Variants in GNG4 observed in about 807,000 individuals in gnomAD.
GNG4 encodes G protein subunit gamma 4, also known as guanine nucleotide-binding protein G(I)/G(S)/G(O) subunit gamma-4.
A neutral mutation model predicts 5.8 loss-of-function variants in GNG4; 4 were observed. That is an observed-to-expected ratio of 0.69 (90% CI 0.34 to 1.57). The LOEUF is 1.57. Ranked by LOEUF, GNG4 falls within the 40% of genes most tolerant of loss-of-function variation. GNG4 has a pLI of 0.06. For synonymous variants in GNG4, 29 were observed against 32.9 expected (o/e 0.88, Z 0.41); for missense variants, 96 against 95.1 (o/e 1.01, Z -0.04).
intron 3 of GNG4, among the ~76,000 whole-genome samples, chr1:235,558,052 C>G (rs889806110): frequency 3.9e-5 from 6 of 152,124 alleles, no homozygotes; most frequent in Non-Finnish European, 7.3e-5. Flanking sequence ...ATCACAGTTG[C>G]GTTTGCTGAG....
intron 3 of GNG4, among the ~76,000 whole-genome samples, chr1:235,563,805 G>C (rs1377179602): frequency 6.6e-6 from 1 of 152,208 alleles, no homozygotes; most frequent in Admixed American, 6.5e-5. Flanking sequence ...GTCCTGACTA[G>C]AAGGTTGAGT....
chr1:235,573,544 G>A lies in GNG4; in HGVS notation c.99+10196C>T, dbSNP rs1405629914. Reference sequence around the variant, plus strand: ...TGTAATCCCAACACTTTGGGAGGCCGAGGTGGGCGGATCACGAAGTCAGGA... The same window carrying A: ...TGTAATCCCAACACTTTGGGAGGCCAAGGTGGGCGGATCACGAAGTCAGGA... On this transcript the variant is annotated intron_variant, in intron 3 of 3. Transcript: ENST00000391854. Among the ~76,000 whole-genome samples, 7 of 152,166 alleles carry A rather than the reference G, an allele frequency of 4.6e-5. No homozygotes were observed. The South Asian group carries it at 6.2e-4, about 14-fold the overall frequency.
At position 235,549,645 on chromosome 1, in the gene GNG4, C is replaced by A. The variant is rs1050756597; in HGVS notation, c.*2464G>T. ...GCATACAATTCTGCTCTAGTTTGAG[C>A]ATCTTAACAACACTGGTATTATTAG... On this transcript the variant is annotated 3_prime_UTR_variant, in exon 4 of 4. Coordinates refer to ENST00000391854, the MANE Select transcript of GNG4 (RefSeq NM_001098722.2). The A allele has an allele frequency of 6.6e-6, 1 of 152,198 alleles. No homozygotes were observed. The highest frequency in any genetic ancestry group is 1.5e-5 in the Non-Finnish European group (1 of 68,046). 9.4% of individuals were successfully genotyped at this position (152,198 alleles called of 1,614,324 possible).
intron 3 of GNG4, among the ~76,000 whole-genome samples, chr1:235,577,811 C>T (rs1329381112): frequency 6.6e-6 from 1 of 151,870 alleles, no homozygotes; most frequent in Admixed American, 6.6e-5. Flanking sequence ...CTAAAAACTG[C>T]TCCTCTCCTC....
chr1:235,601,239 G>T (rs1489194922), intron 1 of GNG4, among the ~76,000 whole-genome samples: 1 of 152,226 alleles, frequency 6.6e-6, no homozygotes, highest in African/African-American at 2.4e-5. Flanking sequence ...AGCAATGGAT[G>T]AAAGATGTGG....
Position 235,552,000 on chromosome 1 carries a change from G to T in GNG4, c.*109C>A. 2.4e-6 allele frequency: 2 copies of T among 849,230 alleles called. No individual in the cohort carries two copies. The highest frequency in any genetic ancestry group is 3.7e-6 in the Non-Finnish European group (2 of 534,028). 52.6% of individuals were successfully genotyped at this position (849,230 alleles called of 1,614,324 possible). On this transcript the variant is annotated 3_prime_UTR_variant, in exon 4 of 4. Coordinates refer to ENST00000391854, the MANE Select transcript of GNG4 (RefSeq NM_001098722.2). ...CATAAGACAAGCCCCGGCCACTGTT[G>T]GCTGGGCAGGGATGGGTGTTGGTCT...
At position 235,593,950 on chromosome 1, in the gene GNG4, G is replaced by A. The variant is rs116299270; in HGVS notation, c.-11+1450C>T. ...ACCCAAGCAGATTACCCCAGCTGGC[G>A]CGGGCAGCCTGCTTTTATTCTCTAA... is the stretch of plus-strand genomic sequence containing the variant. On this transcript the variant is annotated intron_variant, in intron 2 of 3. Coordinates refer to ENST00000391854, the MANE Select transcript of GNG4 (RefSeq NM_001098722.2). Among the ~76,000 whole-genome samples the A allele has an allele frequency of 2.6e-3, 399 of 152,200 alleles. 1 individual carries two copies. Among genetic ancestry groups the A allele is most frequent in the African/African-American group, 9.2e-3 (384 of 41,516 alleles).
intron 3 of GNG4, among the ~76,000 whole-genome samples, chr1:235,561,098 C>T (rs1170488309): frequency 6.6e-6 from 1 of 152,232 alleles, no homozygotes; most frequent in African/African-American, 2.4e-5. Flanking sequence ...CAAGCTCCAC[C>T]TCACGGGTTC....
intron 1 of GNG4, among the ~76,000 whole-genome samples, chr1:235,637,978 C>T (rs1366593166): frequency 6.6e-6 from 1 of 152,246 alleles, no homozygotes; most frequent in Non-Finnish European, 1.5e-5. Context: ...GGCCAATGGC[C>T]TGCAAAGCCA....
In GNG4 at chr1:235,551,140, A is replaced by G. The variant is rs45467094; in HGVS notation, c.*969T>C. On this transcript the variant is annotated 3_prime_UTR_variant, in exon 4 of 4. Transcript: ENST00000391854. ...ACGGTATGGGGTACTTTTACAGTCAAGTTGACTTCGGTGTCCGCCCACCAT... is the reference window on the plus strand; with the variant it reads ...ACGGTATGGGGTACTTTTACAGTCAGGTTGACTTCGGTGTCCGCCCACCAT... 3,973 of 152,360 alleles carry G rather than the reference A, an allele frequency of 0.026. 76 individuals carry two copies. The highest frequency in any genetic ancestry group is 0.043 in the Admixed American group (659 of 15,302). 9.4% of individuals were successfully genotyped at this position (152,360 alleles called of 1,614,324 possible).
chr1:235,563,403 CAAAAAAAAAA>C (rs57471662), intron 3 of GNG4, among the ~76,000 whole-genome samples: 17 of 52,412 alleles, frequency 3.2e-4, no homozygotes, highest in African/African-American at 9.1e-4. Context: ...GAAACTGTCT[CAAAAAAAAAA>C]AAAAAAAAAA....
chr1:235,619,728 T>G (rs1480742842), intron 1 of GNG4, among the ~76,000 whole-genome samples: 2 of 152,248 alleles, frequency 1.3e-5, no homozygotes, highest in Non-Finnish European at 2.9e-5. Context: ...TTTTCTGTTT[T>G]ATTTTTCTAA....
chr1:235,624,103 C>A (rs561879085), intron 1 of GNG4, among the ~76,000 whole-genome samples: 1 of 140,066 alleles, frequency 7.1e-6, no homozygotes, highest in East Asian at 2.6e-4. Context: ...GTGGCCAATT[C>A]CTTTTTTTTT....
chr1:235,639,583 G>T (rs1172927006), intron 1 of GNG4, among the ~76,000 whole-genome samples: 1 of 151,752 alleles, frequency 6.6e-6, no homozygotes, highest in South Asian at 2.1e-4. Context: ...TTACTCTGTC[G>T]CCCAGGCTGG....
intron 1 of GNG4, among the ~76,000 whole-genome samples, chr1:235,643,372 G>A (rs945673979): frequency 3.9e-5 from 6 of 152,244 alleles, no homozygotes; most frequent in South Asian, 2.1e-4. Context: ...GTTGTCACAC[G>A]CTTTCTGCAC....
At chr1:235,615,528 G>T (rs1250867367) in intron 1 of GNG4, 2 of 165,302 alleles carry the variant, frequency 1.2e-5, no homozygotes, top group East Asian at 1.7e-4. Context: ...TAGCTCTGGC[G>T]ATTGGAATCC....
In GNG4 at chr1:235,644,269, C is replaced by T. The variant is rs114044767; in HGVS notation, c.-123+5393G>A. ...GACCCACGAAGGCCTTGCCCTGGAC[C>T]TACACCTCACCCTGTTCCAGAGAGA... On this transcript the variant is annotated intron_variant, in intron 1 of 3. Coordinates refer to ENST00000391854, the MANE Select transcript of GNG4 (RefSeq NM_001098722.2). This position sits in a 1 kb window ranked among gnomAD's most constrained non-coding sequence, Gnocchi z 5.9. Among the ~76,000 whole-genome samples the T allele has an allele frequency of 1.9e-3, 287 of 152,350 alleles. 3 individuals are homozygous for T. The highest frequency in any genetic ancestry group is 6.7e-3 in the African/African-American group (277 of 41,578).
At chr1:235,577,350 G>A (rs1006315388) in intron 3 of GNG4, among the ~76,000 whole-genome samples, 18 of 152,172 alleles carry the variant, frequency 1.2e-4, no homozygotes, top group Non-Finnish European at 2.2e-4. Context: ...CTGCCCTATC[G>A]TCGTGTGCAC....
intron 3 of GNG4, among the ~76,000 whole-genome samples, chr1:235,580,739 GTTTTTTGTT>G (rs913794269): frequency 3.0e-4 from 29 of 98,032 alleles, no homozygotes; most frequent in East Asian, 3.5e-4. Context: ...GGCCTATCCC[GTTTTTTGTT>G]TTTTTTTTTT....
Sources: gnomAD v4.1 joint callset for allele counts (sites outside exome capture counted in the v4.1 genomes callset) on GRCh38, gnomAD v4.1.1 for gene constraint, Gnocchi (gnomAD v3.1) non-coding constraint, MANE v1.5 for transcripts, NCBI Gene and HGNC (gene_info 2026-07-23, HGNC 2026-07-21) for gene names.